MYO10: variants seen among roughly 807,000 people sequenced by gnomAD.
MYO10 encodes the protein unconventional myosin-X.
Under a neutral mutation model 257.3 loss-of-function variants are expected in MYO10, and 133 were observed. The observed-to-expected ratio is 0.52, with a 90% CI of 0.45 to 0.60. The LOEUF (loss-of-function observed/expected upper bound fraction) is 0.60, where lower values mean the gene tolerates loss of function less well. Among genes scored for constraint, MYO10 ranks in the 20% least tolerant of loss-of-function variants. MYO10 has a pLI of 0.00. For missense variants in MYO10, 2,399 were observed against 2,635.7 expected (o/e 0.91, Z 1.97); for synonymous variants, 1,104 against 1,028.6 (o/e 1.07, Z -1.40).
intron 19 of MYO10, among the ~76,000 whole-genome samples, 176 bp from the exon 20 acceptor site, chr5:16,711,421 G>A (rs1029919671): frequency 1.3e-5 from 2 of 152,110 alleles, no homozygotes; most frequent in Non-Finnish European, 2.9e-5. Flanking sequence ...CCATCACCTC[G>A]CCTTAACAAC....
At chr5:16,823,449 G>C (rs1332667528) in intron 2 of MYO10, among the ~76,000 whole-genome samples, 198 of 14,720 alleles carry the variant, frequency 0.013, 41 homozygotes, top group African/African-American at 0.048. Flanking sequence ...CATCTTGCGC[G>C]GGGGGGGGGG....
chr5:16,876,105 T>C (rs1744592745), intron 2 of MYO10, among the ~76,000 whole-genome samples: 1 of 152,046 alleles, frequency 6.6e-6, no homozygotes, highest in Non-Finnish European at 1.5e-5. Context: ...AGAGCAAGAA[T>C]CCATCTCAGA....
rs145468321 is a variant in MYO10, at chr5:16,928,297, C to T, written c.21+7491G>A. Reference sequence around the variant, plus strand: ...GTAATCTTCACCTCCCGGATTCAACCGATTCTCCTGCCTCAGCCTTCCAAG... The same window carrying T: ...GTAATCTTCACCTCCCGGATTCAACTGATTCTCCTGCCTCAGCCTTCCAAG... On this transcript the variant is annotated intron_variant, in intron 1 of 40. Coordinates refer to ENST00000513610, the MANE Select transcript of MYO10 (RefSeq NM_012334.3). Among the ~76,000 whole-genome samples, 289 of 152,182 alleles carry T rather than the reference C, an allele frequency of 1.9e-3. 1 individual carries two copies. The highest frequency in any genetic ancestry group is 6.8e-3 in the African/African-American group (281 of 41,534).
rs775997317 is a variant in MYO10, at chr5:16,817,995, C to T, written c.279+14G>A. On this transcript the variant is annotated intron_variant, in intron 3 of 40. Transcript: ENST00000513610. Reference sequence around the variant, plus strand: ...CGTGAGGATCTTTTTAAAGGAATTACAAGTGGAACTTACATATATTTGATT... The same window carrying T: ...CGTGAGGATCTTTTTAAAGGAATTATAAGTGGAACTTACATATATTTGATT... 4 of 1,508,050 alleles carry T rather than the reference C, an allele frequency of 2.7e-6. No homozygotes were observed. Among genetic ancestry groups the T allele is most frequent in the East Asian group, 2.4e-5 (1 of 42,218 alleles). 93.4% of individuals were successfully genotyped at this position (1,508,050 alleles called of 1,614,324 possible).
intron 19 of MYO10, among the ~76,000 whole-genome samples, chr5:16,727,048 GATA>G (rs751855948): frequency 1.3e-5 from 2 of 152,086 alleles, no homozygotes; most frequent in Non-Finnish European, 2.9e-5. Flanking sequence ...GTGCTCTAGA[GATA>G]ATTACACACC....
At chr5:16,767,167 C>CT (rs35242676) in intron 10 of MYO10, among the ~76,000 whole-genome samples, 1,121 of 105,288 alleles carry the variant, frequency 0.011, 13 homozygotes, top group African/African-American at 0.018. Context: ...ACCCAACTGT[C>CT]TTTTTTTTTT....
At chr5:16,881,868 C>A (rs1425494773) in intron 1 of MYO10, among the ~76,000 whole-genome samples, 2 of 151,964 alleles carry the variant, frequency 1.3e-5, no homozygotes, top group African/African-American at 4.8e-5. Context: ...CGTATGCAAA[C>A]TATTACATTC....
chr5:16,860,024 G>A (rs1201737400), intron 2 of MYO10, among the ~76,000 whole-genome samples: 1 of 152,206 alleles, frequency 6.6e-6, no homozygotes, highest in Non-Finnish European at 1.5e-5. Flanking sequence ...TAGCTCAATG[G>A]AGGGGAAAGA....
intron 2 of MYO10, among the ~76,000 whole-genome samples, chr5:16,874,618 T>C (rs1744546232): frequency 6.6e-6 from 1 of 152,172 alleles, no homozygotes; most frequent in South Asian, 2.1e-4. Flanking sequence ...AACAAGCTCC[T>C]CATCTCCATC....
intron 2 of MYO10, among the ~76,000 whole-genome samples, chr5:16,838,030 G>A (rs573506434): frequency 4.9e-4 from 75 of 152,200 alleles, no homozygotes; most frequent in Non-Finnish European, 9.7e-4. Context: ...CTGCTCCACC[G>A]ACCAGCTGTT....
intron 2 of MYO10, among the ~76,000 whole-genome samples, chr5:16,819,170 G>T (rs184562526): frequency 6.6e-6 from 1 of 152,248 alleles, no homozygotes; most frequent in Non-Finnish European, 1.5e-5. Flanking sequence ...TCTCTCGGCA[G>T]AACAAATGCA....
intron 14 of MYO10, 48 bp from the exon 15 acceptor site, chr5:16,762,685 G>T: frequency 7.2e-7 from 1 of 1,391,396 alleles, no homozygotes; most frequent in Non-Finnish European, 9.9e-7. Flanking sequence ...ATGTGGCTGG[G>T]TGCATGGGTA....
At chr5:16,687,214 G>C (rs773573430) in intron 28 of MYO10, among the ~76,000 whole-genome samples, 1 of 151,674 alleles carries the variant, frequency 6.6e-6, no homozygotes, top group South Asian at 2.1e-4. Context: ...CCAGCTACTC[G>C]GGAGGCTGAG....
chr5:16,915,426 T>C (rs2126795579), intron 1 of MYO10, among the ~76,000 whole-genome samples: 1 of 152,288 alleles, frequency 6.6e-6, no homozygotes, highest in South Asian at 2.1e-4. Context: ...GGTTTATAGA[T>C]AAATCTGAGG....
At chr5:16,934,216 T>C (rs1455324501) in intron 1 of MYO10, among the ~76,000 whole-genome samples, 1 of 152,144 alleles carries the variant, frequency 6.6e-6, no homozygotes, top group Non-Finnish European at 1.5e-5. Context: ...ATCCTGATGT[T>C]CCCCCCACTT....
rs1579986186 is a variant in MYO10 at position 16,783,325 on chromosome 5, C to A, written c.602+10G>T. The A allele has an allele frequency of 1.4e-6, 2 of 1,408,780 alleles. No individual in the cohort carries two copies. Among genetic ancestry groups the A allele is most frequent in the Admixed American group, 2.4e-5 (1 of 42,480 alleles). 87.3% of individuals were successfully genotyped at this position (1,408,780 alleles called of 1,614,324 possible). A position where few individuals can be genotyped will look rare whatever the true frequency, so the allele number is the denominator to read the frequency against. On this transcript the variant is annotated intron_variant, in intron 5 of 40. Coordinates refer to ENST00000513610, the MANE Select transcript of MYO10 (RefSeq NM_012334.3). ...TCCTATTAGTTGGAAACAAGAAAAT[C>A]AATAAATACCTGCTTTCAAGAATAG...
chr5:16,802,437 TC>T (rs1329325089), intron 3 of MYO10, among the ~76,000 whole-genome samples: 1 of 151,496 alleles, frequency 6.6e-6, no homozygotes, highest in African/African-American at 2.4e-5. Context: ...GGCGGGTGGA[TC>T]ATGAGGTCAG....
At chr5:16,678,719 C>A (rs1736848883) in intron 33 of MYO10, among the ~76,000 whole-genome samples, 2 of 152,186 alleles carry the variant, frequency 1.3e-5, no homozygotes, top group Non-Finnish European at 2.9e-5. Context: ...GGATTAGATC[C>A]TCTCCCACCT....
intron 1 of MYO10, among the ~76,000 whole-genome samples, chr5:16,928,948 TG>T (rs565741409): frequency 7.3e-5 from 11 of 151,304 alleles, no homozygotes; most frequent in African/African-American, 2.2e-4. Flanking sequence ...ATTAGTGGCA[TG>T]TTTTTTTTTT....
Sources: gnomAD v4.1 joint callset for allele counts (sites outside exome capture counted in the v4.1 genomes callset) on GRCh38, gnomAD v4.1.1 for gene constraint, MANE v1.5 for transcripts, NCBI Gene and HGNC (gene_info 2026-07-23, HGNC 2026-07-21) for gene names.